NRXN1: variants seen among roughly 807,000 people sequenced by gnomAD.
NRXN1 encodes the protein neurexin 1.
NRXN1 carries 39 observed loss-of-function variants against 150.9 expected under a neutral mutation model. That is an observed-to-expected ratio of 0.26 (90% CI 0.20 to 0.34). The LOEUF is 0.34. Among genes scored for constraint, NRXN1 ranks in the 10% least tolerant of loss-of-function variants. NRXN1 has a pLI of 1.00. For missense variants in NRXN1, 1,815 were observed against 1,949.9 expected (o/e 0.93, Z 1.30); for synonymous variants, 924 against 757.0 (o/e 1.22, Z -3.62).
chr2:50,960,533 G>C (rs1693000749), intron 2 of NRXN1, among the ~76,000 whole-genome samples: 2 of 151,892 alleles, frequency 1.3e-5, no homozygotes, highest in African/African-American at 4.8e-5. Flanking sequence ...GGTGAAGTTG[G>C]TGCACAACAA....
At chr2:50,340,223 A>C (rs2077459133) in intron 17 of NRXN1, among the ~76,000 whole-genome samples, 1 of 152,172 alleles carries the variant, frequency 6.6e-6, no homozygotes, top group Non-Finnish European at 1.5e-5. Flanking sequence ...AGCTGTTTTC[A>C]CTCAGTTCTG....
intron 17 of NRXN1, among the ~76,000 whole-genome samples, chr2:50,392,536 T>C (rs2081790974): frequency 6.6e-6 from 1 of 152,110 alleles, no homozygotes; most frequent in South Asian, 2.1e-4. Flanking sequence ...GATATGCAAA[T>C]ATTAAATATC....
chr2:50,956,836 T>A (rs1009408315), intron 2 of NRXN1, among the ~76,000 whole-genome samples: 1 of 152,126 alleles, frequency 6.6e-6, no homozygotes, highest in Non-Finnish European at 1.5e-5. Flanking sequence ...ATGACATTCA[T>A]CCTAACAAAC....
chr2:50,255,998 G>T (rs2067664805), intron 17 of NRXN1, among the ~76,000 whole-genome samples: 1 of 152,134 alleles, frequency 6.6e-6, no homozygotes, highest in African/African-American at 2.4e-5. Flanking sequence ...TTGAAATGAT[G>T]ATTTTAGTCA....
rs1699528369 is a variant in NRXN1, at chr2:50,091,330, G to A, written c.3711C>T (p.Tyr1237=). 2.5e-6 allele frequency: 4 copies of A among 1,613,958 alleles called. No individual in the cohort carries two copies. The highest frequency in any genetic ancestry group is 3.4e-6 in the Non-Finnish European group (4 of 1,180,038). The change falls in exon 19 of 23, where the codon TAC becomes TAT. Residue 1237 remains tyrosine (Y), a synonymous_variant. Coordinates refer to ENST00000401669, the MANE Select transcript of NRXN1 (RefSeq NM_001330078.2). The stretch of plus-strand genomic sequence containing the variant: ...ACATATTCACTTGCTTACCTGCAGG[G>A]TAGCGCTCGATCACTGGCCAGCTGT... ...QVDSWPVIER[Y]PAGNNDNERL...
chr2:50,250,449 G>A (rs2152897367), intron 17 of NRXN1, among the ~76,000 whole-genome samples: 1 of 151,208 alleles, frequency 6.6e-6, no homozygotes, highest in East Asian at 1.9e-4. Context: ...TTTTTTTTTA[G>A]CGGAAGCTGA....
At chr2:50,029,055 G>T (rs1688794943) in intron 21 of NRXN1, among the ~76,000 whole-genome samples, 2 of 152,166 alleles carry the variant, frequency 1.3e-5, no homozygotes, top group African/African-American at 4.8e-5. Context: ...TTATTAGGAG[G>T]TGAAGTCTTT....
At chr2:50,356,053 T>C (rs1448786186) in intron 17 of NRXN1, among the ~76,000 whole-genome samples, 1 of 151,568 alleles carries the variant, frequency 6.6e-6, no homozygotes, top group Non-Finnish European at 1.5e-5. Flanking sequence ...ATGTCTTTCT[T>C]TTCCATACTT....
intron 8 of NRXN1, among the ~76,000 whole-genome samples, chr2:50,614,862 G>T (rs571572373): frequency 6.6e-6 from 1 of 151,938 alleles, no homozygotes; most frequent in South Asian, 2.1e-4. Context: ...AAGAAAGATA[G>T]GGATTAAGGG....
At chr2:50,678,517 A>G (rs940193636) in intron 5 of NRXN1, among the ~76,000 whole-genome samples, 2 of 152,180 alleles carry the variant, frequency 1.3e-5, no homozygotes, top group African/African-American at 2.4e-5. Flanking sequence ...AACTCTTACA[A>G]GTCTGCCTTC....
intron 5 of NRXN1, among the ~76,000 whole-genome samples, chr2:50,791,982 C>T (rs571685918): frequency 1.3e-5 from 2 of 152,056 alleles, no homozygotes; most frequent in African/African-American, 2.4e-5. Flanking sequence ...CTGAGATGTG[C>T]GTGGGCATTA....
rs76822793 is a variant in NRXN1, at chr2:50,041,489, G to T, written c.4128+11782C>A. Among the ~76,000 whole-genome samples the T allele has an allele frequency of 8.9e-3, 1,351 of 152,142 alleles. 10 individuals are homozygous for T. Among genetic ancestry groups the T allele is most frequent in the Non-Finnish European group, 0.015 (1,049 of 67,998 alleles). ...ATCATTAGGCTTCCTAGAGATTTTC[G>T]CCTGTTTCTTCCACTCCCCCTAACT... On this transcript the variant is annotated intron_variant, in intron 21 of 22. Coordinates refer to ENST00000401669, the MANE Select transcript of NRXN1 (RefSeq NM_001330078.2).
At chr2:50,099,709 A>G (rs1700746878) in intron 18 of NRXN1, among the ~76,000 whole-genome samples, 1 of 152,162 alleles carries the variant, frequency 6.6e-6, no homozygotes, top group South Asian at 2.1e-4. Flanking sequence ...GTTTTGCTAG[A>G]GGATACATTT....
intron 12 of NRXN1, among the ~76,000 whole-genome samples, chr2:50,522,720 ATTTTTTTTTTTTT>A (rs869200431): frequency 4.2e-5 from 2 of 47,726 alleles, no homozygotes; most frequent in East Asian, 5.0e-4. Flanking sequence ...ATTTTTATTC[ATTTTTTTTTTTTT>A]TTTTTTTTTT....
chr2:49,920,770 T>C lies in NRXN1; in HGVS notation c.*1174A>G, dbSNP rs1056341216. On this transcript the variant is annotated 3_prime_UTR_variant, in exon 23 of 23. Transcript: ENST00000401669. The stretch of plus-strand genomic sequence containing the variant: ...AAAATAGTGAATGTATGTGGGAATG[T>C]GAGTATTTCAGGGAGAAAAGATTAT... 1 of 152,048 alleles carries C rather than the reference T, an allele frequency of 6.6e-6. No individual in the cohort carries two copies. The highest frequency in any genetic ancestry group is 2.4e-5 in the African/African-American group (1 of 41,208). 9.4% of individuals were successfully genotyped at this position (152,048 alleles called of 1,614,324 possible).
chr2:50,924,327 A>T (rs906469329), intron 3 of NRXN1, among the ~76,000 whole-genome samples: 1 of 151,758 alleles, frequency 6.6e-6, no homozygotes, highest in Admixed American at 6.6e-5. Context: ...TATTAAAATT[A>T]TGATTGAACA....
rs2078101785 is a variant in NRXN1 at position 50,347,413 on chromosome 2, T to C, written c.3365-110443A>G. The C allele has an allele frequency of 8.6e-7, 1 of 1,167,198 alleles. No homozygotes were observed. 72.3% of individuals were successfully genotyped at this position (1,167,198 alleles called of 1,614,324 possible). A position where few individuals can be genotyped will look rare whatever the true frequency, so the allele number is the denominator to read the frequency against. Reference sequence around the variant, plus strand: ...CTAGGTAAATCCATTTAGCTTTGTGTGCGGGGACTAGGGAGGCCACTTCGC... The same window carrying C: ...CTAGGTAAATCCATTTAGCTTTGTGCGCGGGGACTAGGGAGGCCACTTCGC... On this transcript the variant is annotated intron_variant, in intron 17 of 22. Transcript: ENST00000401669. The surrounding 1 kb of genome is among the most constrained non-coding windows in gnomAD (Gnocchi z 4.9).
At chr2:50,390,361 T>C (rs773844199) in intron 17 of NRXN1, among the ~76,000 whole-genome samples, 5 of 152,314 alleles carry the variant, frequency 3.3e-5, no homozygotes, top group African/African-American at 1.2e-4. Flanking sequence ...TTTTAACTTA[T>C]AAAATCTATT....
At chr2:50,817,495 T>C (rs10185764) in intron 5 of NRXN1, among the ~76,000 whole-genome samples, 130,563 of 152,070 alleles carry the variant, frequency 0.86, 56,036 homozygotes, top group East Asian at 0.88. Flanking sequence ...TTTCCATACT[T>C]ATTTTATGAG....
Sources: gnomAD v4.1 joint callset for allele counts (sites outside exome capture counted in the v4.1 genomes callset) on GRCh38, gnomAD v4.1.1 for gene constraint, Gnocchi (gnomAD v3.1) non-coding constraint, MANE v1.5 for transcripts, NCBI Gene and HGNC (gene_info 2026-07-23, HGNC 2026-07-21) for gene names.